The following ELMO1 variants were observed in gnomAD, a reference collection of about 807,000 sequenced individuals.
The protein encoded by ELMO1 is engulfment and cell motility 1.
In ELMO1, 26 loss-of-function variants were observed where a neutral mutation model predicts 98.9. That is an observed-to-expected ratio of 0.26 (90% CI 0.19 to 0.36). The LOEUF is 0.36. Ranked by LOEUF, ELMO1 falls within the 10% of genes least tolerant of loss-of-function variation. The pLI is 1.00. For missense variants in ELMO1, 627 were observed against 935.2 expected, an observed-to-expected ratio of 0.67 and a Z score of 4.30; for synonymous variants, 346 against 346.0, an observed-to-expected ratio of 1.00 and a Z score of 0.00.
intron 16 of ELMO1, among the ~76,000 whole-genome samples, chr7:36,955,390 G>A (rs1045736727): frequency 2.0e-5 from 3 of 152,056 alleles, no homozygotes; most frequent in Non-Finnish European, 2.9e-5. Flanking sequence ...CACAAATTCC[G>A]AAGTAAAGGT....
chr7:37,294,999 C>T (rs919280718), intron 4 of ELMO1, among the ~76,000 whole-genome samples: 2 of 129,632 alleles, frequency 1.5e-5, no homozygotes, highest in African/African-American at 6.1e-5. Flanking sequence ...AACTCCGCCT[C>T]AAAAAAAAAA....
chr7:36,907,307 T>C (rs140290958), intron 16 of ELMO1, among the ~76,000 whole-genome samples: 1 of 152,312 alleles, frequency 6.6e-6, no homozygotes, highest in Non-Finnish European at 1.5e-5. Context: ...TTCTCCCAAA[T>C]GGTTGAAAAT....
At chr7:36,983,785 G>A (rs990062598) in intron 16 of ELMO1, among the ~76,000 whole-genome samples, 4 of 152,132 alleles carry the variant, frequency 2.6e-5, no homozygotes, top group Admixed American at 2.6e-4. Flanking sequence ...GGTATGATAC[G>A]TTCTTGGCTA....
intron 1 of ELMO1, among the ~76,000 whole-genome samples, chr7:37,386,661 T>C (rs1163850315): frequency 6.6e-6 from 1 of 151,518 alleles, no homozygotes; most frequent in Non-Finnish European, 1.5e-5. Context: ...TCCACACTCG[T>C]GTCAGGTAAG....
chr7:37,275,302 A>G (rs1188691579), intron 4 of ELMO1, among the ~76,000 whole-genome samples: 2 of 152,202 alleles, frequency 1.3e-5, no homozygotes, highest in East Asian at 1.9e-4. Context: ...GGAGGGCTGG[A>G]AAAGTTCCGC....
chr7:37,035,569 C>G (rs1208101063), intron 15 of ELMO1, among the ~76,000 whole-genome samples: 1 of 152,208 alleles, frequency 6.6e-6, no homozygotes, highest in African/African-American at 2.4e-5. Flanking sequence ...CTTGAAATGT[C>G]AGGCAACTGC....
chr7:37,147,057 A>C (rs1788033939), intron 13 of ELMO1, among the ~76,000 whole-genome samples: 1 of 151,794 alleles, frequency 6.6e-6, no homozygotes. Context: ...GGGGTCCATT[A>C]GCAAGAAGAA....
intron 13 of ELMO1, among the ~76,000 whole-genome samples, chr7:37,200,725 G>T (rs1354359815): frequency 6.6e-6 from 1 of 152,104 alleles, no homozygotes; most frequent in Non-Finnish European, 1.5e-5. Flanking sequence ...AAGCACCTTG[G>T]GAGGCCAAGG....
At chr7:36,883,352 T>C (rs991020578) in intron 18 of ELMO1, among the ~76,000 whole-genome samples, 11 of 152,108 alleles carry the variant, frequency 7.2e-5, no homozygotes, top group African/African-American at 2.7e-4. Context: ...ACAAGAGAAG[T>C]AGGGGGCAGT....
chr7:37,327,975 G>C (rs1197390672), intron 2 of ELMO1, among the ~76,000 whole-genome samples: 1 of 152,124 alleles, frequency 6.6e-6, no homozygotes, highest in Non-Finnish European at 1.5e-5. Flanking sequence ...TTCTAATTAT[G>C]ATACAGTGTA....
At chr7:37,122,999 C>T (rs1786188189) in intron 14 of ELMO1, among the ~76,000 whole-genome samples, 1 of 152,126 alleles carries the variant, frequency 6.6e-6, no homozygotes, top group South Asian at 2.1e-4. Flanking sequence ...AACTGCTCAA[C>T]TACATGGAAA....
intron 14 of ELMO1, 129 bp from the exon 15 acceptor site, chr7:37,096,856 G>C: frequency 1.2e-6 from 1 of 815,240 alleles, no homozygotes; most frequent in Non-Finnish European, 2.0e-6. Flanking sequence ...CTTGGGGCCA[G>C]GACAAAATAG....
chr7:36,883,590 A>G (rs1804668098), intron 18 of ELMO1, among the ~76,000 whole-genome samples: 1 of 150,978 alleles, frequency 6.6e-6, no homozygotes, highest in African/African-American at 2.4e-5. Context: ...AGTGTGTGGC[A>G]CCTCCTCCTC....
chr7:36,968,095 T>C (rs1380010732), intron 16 of ELMO1, among the ~76,000 whole-genome samples: 1 of 152,226 alleles, frequency 6.6e-6, no homozygotes, highest in African/African-American at 2.4e-5. Context: ...TAATGAGTGT[T>C]AACATTGTGG....
chr7:37,121,583 A>C lies in ELMO1; in HGVS notation c.1191+11547T>G, dbSNP rs1423840448. 2.0e-5 allele frequency among the ~76,000 whole-genome samples: 3 copies of C among 152,204 alleles called. No homozygotes were observed. In the East Asian group the frequency reaches 5.8e-4, roughly 29 times the overall value. On this transcript the variant is annotated intron_variant, in intron 14 of 21. Coordinates refer to ENST00000310758, the MANE Select transcript of ELMO1 (RefSeq NM_014800.11). Reference sequence around the variant, plus strand: ...GAAGAGAAGTTTAGAGAAAAAAAGAATAAAAAGAAATGAACAAAGCCTCCA... The same window carrying C: ...GAAGAGAAGTTTAGAGAAAAAAAGACTAAAAAGAAATGAACAAAGCCTCCA...
chr7:37,325,216 G>A (rs947592436), intron 2 of ELMO1, among the ~76,000 whole-genome samples: 6 of 152,162 alleles, frequency 3.9e-5, no homozygotes, highest in African/African-American at 1.2e-4. Context: ...GGCACTTGCC[G>A]CATCCTGCTG....
rs146298114 is a variant in ELMO1, at chr7:36,945,728, A to G, written c.1438-50711T>C. Among the ~76,000 whole-genome samples, 22 of 152,276 alleles carry G rather than the reference A, an allele frequency of 1.4e-4. No individual in the cohort carries two copies. In the East Asian group the frequency reaches 2.3e-3, roughly 16 times the overall value. On this transcript the variant is annotated intron_variant, in intron 16 of 21. Coordinates refer to ENST00000310758, the MANE Select transcript of ELMO1 (RefSeq NM_014800.11). ...GTCAGAGTCCATGCCTGCTAACATA[A>G]TAGCCTGACATACTGCCCAGAGTCC...
intron 1 of ELMO1, among the ~76,000 whole-genome samples, chr7:37,438,839 A>G (rs1198431555): frequency 1.3e-5 from 2 of 152,208 alleles, no homozygotes; most frequent in African/African-American, 2.4e-5. Context: ...TGAACCCTCC[A>G]TTAACAAGTA....
At chr7:37,361,305 A>T (rs369751565) in intron 1 of ELMO1, among the ~76,000 whole-genome samples, 12 of 152,224 alleles carry the variant, frequency 7.9e-5, no homozygotes, top group African/African-American at 2.9e-4. Flanking sequence ...CTCAGCAATA[A>T]AAAAGAATAA....
Sources: gnomAD v4.1 joint callset for allele counts (sites outside exome capture counted in the v4.1 genomes callset) on GRCh38, gnomAD v4.1.1 for gene constraint, MANE v1.5 for transcripts, NCBI Gene and HGNC (gene_info 2026-07-23, HGNC 2026-07-21) for gene names.